COPA: variants seen among roughly 807,000 people sequenced by gnomAD.
The protein encoded by COPA is coatomer subunit alpha.
In COPA, 10 loss-of-function variants were observed where a neutral mutation model predicts 158.7. The ratio of observed to expected loss-of-function variants is 0.06; its 90% CI spans 0.04 to 0.11. The LOEUF is 0.11. Ranked by LOEUF, COPA falls within the 10% of genes least tolerant of loss-of-function variation. The probability of loss-of-function intolerance (pLI) is 1.00; values close to 1 mark genes in which losing one functional copy is unlikely to be tolerated. For synonymous variants in COPA, 462 were observed against 542.8 expected, an observed-to-expected ratio of 0.85 and a Z score of 2.07; for missense variants, 1,065 against 1,536.7, an observed-to-expected ratio of 0.69 and a Z score of 5.13.
Position 160,343,250 on chromosome 1 carries a change from C to A in COPA, c.-80G>T. The stretch of plus-strand genomic sequence containing the variant: ...CCTTCGGACGCCTCCACGTCAGCGA[C>A]CCTCTCCCGCGGTTTCCGGAAGCGC... On this transcript the variant is annotated 5_prime_UTR_variant, in exon 1 of 33. Coordinates refer to ENST00000241704, the MANE Select transcript of COPA (RefSeq NM_004371.4). 2 of 1,598,018 alleles carry A rather than the reference C, an allele frequency of 1.3e-6. No homozygotes were observed. The highest frequency in any genetic ancestry group is 1.7e-6 in the Non-Finnish European group (2 of 1,165,348).
chr1:160,342,299 A>G (rs1380358715), intron 1 of COPA, among the ~76,000 whole-genome samples: 2 of 152,130 alleles, frequency 1.3e-5, no homozygotes, highest in African/African-American at 4.8e-5. Context: ...GTTACGCTGC[A>G]TCTCACTAAA....
At chr1:160,293,962 T>A (rs1424734256) in intron 25 of COPA, among the ~76,000 whole-genome samples, 2 of 152,140 alleles carry the variant, frequency 1.3e-5, no homozygotes, top group African/African-American at 4.8e-5. Flanking sequence ...TATCAAAAAC[T>A]CCAATTCAGA....
intron 7 of COPA, among the ~76,000 whole-genome samples, chr1:160,324,968 C>T (rs1333402766): frequency 6.6e-6 from 1 of 151,974 alleles, no homozygotes; most frequent in Non-Finnish European, 1.5e-5. Context: ...GCGAAAAGCA[C>T]CTGGGTTTTG....
Position 160,292,217 on chromosome 1 carries a change from G to T in COPA, c.2961-19C>A. On this transcript the variant is annotated intron_variant, in intron 28 of 32. Coordinates refer to ENST00000241704, the MANE Select transcript of COPA (RefSeq NM_004371.4). Reference sequence around the variant, plus strand: ...ATCCTTCCTGGAAAGGGAAAAGTAGGAAGAAGACAGGATAGTCAGTAGGCA... The same window carrying T: ...ATCCTTCCTGGAAAGGGAAAAGTAGTAAGAAGACAGGATAGTCAGTAGGCA... The T allele has an allele frequency of 6.2e-7, 1 of 1,606,176 alleles. No homozygotes were observed. The highest frequency in any genetic ancestry group is 8.5e-7 in the Non-Finnish European group (1 of 1,175,562).
chr1:160,316,722 C>A (rs1659153818), intron 8 of COPA, among the ~76,000 whole-genome samples: 1 of 151,064 alleles, frequency 6.6e-6, no homozygotes, highest in Non-Finnish European at 1.5e-5. Flanking sequence ...TGCACTCCAG[C>A]CTGGCCAACA....
At chr1:160,313,030 C>G in intron 10 of COPA, 55 bp downstream of exon 10, 4 of 1,496,306 alleles carry the variant, frequency 2.7e-6, no homozygotes, top group Non-Finnish European at 3.7e-6. Flanking sequence ...TAATCACTTT[C>G]AAGACTTATA....
At chr1:160,317,490 T>G in intron 8 of COPA, 1 of 1,609,416 alleles carries the variant, frequency 6.2e-7, no homozygotes, top group Non-Finnish European at 8.5e-7. Flanking sequence ...TTGGACAGGA[T>G]AGCAGTGAGA....
chr1:160,291,912 G>A lies in COPA; in HGVS notation c.3165C>T (p.Thr1055=). 1 of 1,614,132 alleles carries A rather than the reference G, an allele frequency of 6.2e-7. No homozygotes were observed. The highest frequency in any genetic ancestry group is 8.5e-7 in the Non-Finnish European group (1 of 1,180,034). The change falls in exon 30 of 33, where the codon ACC becomes ACT. Residue 1055 remains threonine, a synonymous_variant. Coordinates refer to ENST00000241704, the MANE Select transcript of COPA (RefSeq NM_004371.4). The part of the protein sequence containing the change: ...QEIAEAQQLI[T]ICREYIVGLS... ...AACCCACAATGTACTCACGGCAAAT[G>A]GTGATGAGCTGCTGGGCCTGTAGAG...
intron 4 of COPA, among the ~76,000 whole-genome samples, chr1:160,334,234 G>A (rs925539892): frequency 1.3e-5 from 2 of 152,080 alleles, no homozygotes; most frequent in Non-Finnish European, 2.9e-5. Context: ...GCTAAGCTTT[G>A]TGTTAAACAC....
intron 23 of COPA, among the ~76,000 whole-genome samples, chr1:160,295,433 C>A (rs1658367528): frequency 6.6e-6 from 1 of 152,172 alleles, no homozygotes; most frequent in Admixed American, 6.5e-5. Flanking sequence ...TGATAAAATA[C>A]TGAACAAAGA....
intron 32 of COPA, 98 bp downstream of exon 32, chr1:160,290,394 C>A (rs1658186000): frequency 3.4e-6 from 5 of 1,449,588 alleles, no homozygotes; most frequent in Non-Finnish European, 3.8e-6. Flanking sequence ...CCTCAGGGAG[C>A]AGGGGACAAG....
At chr1:160,332,691 C>T (rs1647587105) in intron 5 of COPA, 134 bp from the exon 6 acceptor site, 1 of 520,688 alleles carries the variant, frequency 1.9e-6, no homozygotes, top group East Asian at 3.0e-5. Context: ...GTCATCCTAC[C>T]AATTCTGAAC....
chr1:160,316,399 AG>A (rs896805612), intron 8 of COPA, among the ~76,000 whole-genome samples: 1 of 151,798 alleles, frequency 6.6e-6, no homozygotes, highest in South Asian at 2.1e-4. Flanking sequence ...AAGAATGAAA[AG>A]GAACAAAGAC....
chr1:160,323,964 T>A (rs1039736144), intron 7 of COPA, among the ~76,000 whole-genome samples: 4 of 151,888 alleles, frequency 2.6e-5, no homozygotes, highest in Non-Finnish European at 5.9e-5. Context: ...CGGGTTCAAG[T>A]AATTCTCTGC....
At chr1:160,320,115 T>C (rs1414624333) in intron 8 of COPA, among the ~76,000 whole-genome samples, 1 of 151,924 alleles carries the variant, frequency 6.6e-6, no homozygotes, top group Non-Finnish European at 1.5e-5. Context: ...AAAGATAGTA[T>C]CAACAAACTG....
chr1:160,293,496 A>ATTT (rs368176604), intron 25 of COPA, 33 bp from the exon 26 acceptor site: 53 of 1,333,108 alleles, frequency 4.0e-5, no homozygotes, highest in African/African-American at 6.2e-5. Context: ...GTATTGAGTA[A>ATTT]TTTTTTTTTT....
rs936727974 is a variant in COPA, at chr1:160,292,397, G to A, written c.2960+87C>T. ...TTCTACTGGGAAACCCTAGCTCTGAGAGAATTCTGACTATGTCACTGAGGC... is the reference window on the plus strand; with the variant it reads ...TTCTACTGGGAAACCCTAGCTCTGAAAGAATTCTGACTATGTCACTGAGGC... On this transcript the variant is annotated intron_variant, in intron 28 of 32. Coordinates refer to ENST00000241704, the MANE Select transcript of COPA (RefSeq NM_004371.4). The A allele has an allele frequency of 1.0e-5, 16 of 1,599,166 alleles. No individual in the cohort carries two copies. In the African/African-American group the frequency reaches 2.2e-4, roughly 22 times the overall value.
rs757183074 is a variant in COPA at position 160,294,814 on chromosome 1, A to C, written c.2520T>G (p.Val840=). Residue 840 remains valine (V), a synonymous_variant, in exon 24 of 33, where the codon GTT becomes GTG. Coordinates refer to ENST00000241704, the MANE Select transcript of COPA (RefSeq NM_004371.4). ...ALAADIDIDT[V]GTEGWGEDAE... ...CATCCTCTCCCCAGCCCTCTGTACC[A>C]ACAGTGTCAATGTCAATGTCAGCAG... The C allele has an allele frequency of 1.9e-6, 3 of 1,613,964 alleles. No homozygotes were observed. In the African/African-American group the frequency reaches 4.0e-5, roughly 22 times the overall value.
chr1:160,290,426 ACCATGTT>A, intron 32 of COPA, 59 bp downstream of exon 32: 3 of 1,541,396 alleles, frequency 1.9e-6, no homozygotes, highest in Non-Finnish European at 2.6e-6. Flanking sequence ...AAAAAGGACC[ACCATGTT>A]TCTTTCTTTT....
Sources: allele counts gnomAD v4.1 joint callset (sites outside exome capture counted in the v4.1 genomes callset), GRCh38; gene constraint gnomAD v4.1.1; transcripts MANE v1.5; gene names NCBI Gene and HGNC (gene_info 2026-07-23, HGNC 2026-07-21).